TBC1D12: variants seen among roughly 807,000 people sequenced by gnomAD.
The protein encoded by TBC1D12 is TBC1 domain family, member 12.
Under a neutral mutation model 86.7 loss-of-function variants are expected in TBC1D12, and 56 were observed. That is an observed-to-expected ratio of 0.65 (90% CI 0.52 to 0.81). The LOEUF is 0.81. Ranked by LOEUF, TBC1D12 falls within the 30% of genes least tolerant of loss-of-function variation. TBC1D12 has a pLI of 0.00. For synonymous variants in TBC1D12, 421 were observed against 411.7 expected (o/e 1.02, Z -0.27); for missense variants, 1,023 against 1,038.8 (o/e 0.98, Z 0.21).
At chr10:94,437,911 C>T (rs1437712038) in intron 1 of TBC1D12, among the ~76,000 whole-genome samples, 2 of 145,836 alleles carry the variant, frequency 1.4e-5, no homozygotes, top group African/African-American at 5.1e-5. Flanking sequence ...TCATTTTGTT[C>T]ATACATTTTC....
intron 2 of TBC1D12, among the ~76,000 whole-genome samples, chr10:94,465,895 C>T (rs7393240): frequency 0.68 from 102,694 of 150,322 alleles, 35,630 homozygotes; most frequent in East Asian, 0.83. Flanking sequence ...TATATACATA[C>T]ATACGCATAT....
chr10:94,444,344 G>GA (rs1345916408), intron 2 of TBC1D12, among the ~76,000 whole-genome samples: 1 of 151,628 alleles, frequency 6.6e-6, no homozygotes, highest in Admixed American at 6.6e-5. Flanking sequence ...GAGTTACTGT[G>GA]AAAAAAATCA....
At chr10:94,529,446 C>G (rs1241034565) in intron 11 of TBC1D12, among the ~76,000 whole-genome samples, 2 of 152,112 alleles carry the variant, frequency 1.3e-5, no homozygotes, top group African/African-American at 4.8e-5. Flanking sequence ...TGGAGAAACG[C>G]CGTCTCTACT....
At chr10:94,526,842 C>G (rs1483739352) in intron 11 of TBC1D12, among the ~76,000 whole-genome samples, 1 of 152,148 alleles carries the variant, frequency 6.6e-6, no homozygotes, top group Non-Finnish European at 1.5e-5. Context: ...ACTTTACATT[C>G]ACAACAACAG....
At chr10:94,440,320 C>A (rs1255956624) in intron 1 of TBC1D12, among the ~76,000 whole-genome samples, 1 of 151,998 alleles carries the variant, frequency 6.6e-6, no homozygotes, top group Non-Finnish European at 1.5e-5. Flanking sequence ...AAGGTGTGCA[C>A]CACCATGCCT....
Position 94,478,650 on chromosome 10 carries a change from C to T in TBC1D12, c.1211+3867C>T, listed in dbSNP as rs149506647. Among the ~76,000 whole-genome samples the T allele has an allele frequency of 8.1e-3, 1,233 of 152,248 alleles. 12 individuals carry two copies. Among genetic ancestry groups the T allele is most frequent in the Non-Finnish European group, 9.8e-3 (666 of 68,014 alleles). Reference sequence around the variant, plus strand: ...TGAATGTAATTGCTTAATCATATACCAATAAATCAATGATGGTGCTCTAAA... The same window carrying T: ...TGAATGTAATTGCTTAATCATATACTAATAAATCAATGATGGTGCTCTAAA... On this transcript the variant is annotated intron_variant, in intron 3 of 12. Coordinates refer to ENST00000225235, the MANE Select transcript of TBC1D12 (RefSeq NM_015188.2).
chr10:94,403,655 T>TCGGAGC (rs3980307), intron 1 of TBC1D12, 71 bp downstream of exon 1: 579,217 of 1,343,298 alleles, frequency 0.43, 132,025 homozygotes, highest in East Asian at 0.68. Flanking sequence ...TTGGTGGGAG[T>TCGGAGC]CGGAGCCGGA....
chr10:94,509,121 T>G (rs1029784247), intron 7 of TBC1D12: 11 of 150,312 alleles, frequency 7.3e-5, no homozygotes, highest in Non-Finnish European at 1.2e-4. Context: ...TTTTTTTTTT[T>G]TTTTTGAGAT....
In TBC1D12 at chr10:94,531,452, T is replaced by A; in HGVS notation, c.2251T>A (p.Trp751Arg). Residue 751 changes from tryptophan (W) to arginine (R), a missense_variant, in exon 12 of 13, where the codon TGG (tryptophan) becomes AGG (arginine). Around this residue, in one of 2 missense-constraint regions of TBC1D12, gnomAD observed 395 missense variants for 507.7 expected, o/e 0.78. Coordinates refer to ENST00000225235, the MANE Select transcript of TBC1D12 (RefSeq NM_015188.2). ...AIQMQNSTKK[W>R]TQVFASVMKD... ...TCAGATGCAGAATAGCACCAAAAAA[T>A]GGACTCAGGTAGAGTGACATTTTCT... The A allele has an allele frequency of 6.2e-7, 1 of 1,612,312 alleles. No homozygotes were observed. Among genetic ancestry groups the A allele is most frequent in the Non-Finnish European group, 8.5e-7 (1 of 1,178,810 alleles).
chr10:94,413,946 A>G (rs2054962496), intron 1 of TBC1D12, among the ~76,000 whole-genome samples: 1 of 152,124 alleles, frequency 6.6e-6, no homozygotes, highest in South Asian at 2.1e-4. Flanking sequence ...CATTATTTAG[A>G]ATTTCCAAAT....
chr10:94,438,773 A>G (rs1464709447), intron 1 of TBC1D12, among the ~76,000 whole-genome samples: 1 of 151,644 alleles, frequency 6.6e-6, no homozygotes, highest in Non-Finnish European at 1.5e-5. Flanking sequence ...CTACTAAAGT[A>G]CTTGATTCCA....
Position 94,402,813 on chromosome 10 carries a change from G to C in TBC1D12, c.200G>C (p.Arg67Pro), listed in dbSNP as rs1223310645. Residue 67 changes from arginine to proline, a missense_variant, in exon 1 of 13, where the codon CGG (arginine) becomes CCG (proline). Arg to Pro is a moderately radical substitution (Grantham distance 103). Coordinates refer to ENST00000225235, the MANE Select transcript of TBC1D12 (RefSeq NM_015188.2). ...GACGAGGAGGAGGAGACGCCGCCTC[G>C]GCAGCTCCTTCAGCGTTACCTCGCG... ...EADEEEETPP[R>P]QLLQRYLAAA... is the part of the protein sequence containing the mutation. 2.6e-6 allele frequency: 4 copies of C among 1,541,198 alleles called. No individual in the cohort carries two copies. The highest frequency in any genetic ancestry group is 3.5e-6 in the Non-Finnish European group (4 of 1,143,000).
intron 1 of TBC1D12, among the ~76,000 whole-genome samples, chr10:94,441,518 ATT>A (rs1222886740): frequency 6.6e-6 from 1 of 151,902 alleles, no homozygotes; most frequent in Non-Finnish European, 1.5e-5. Context: ...TTTCCTTCCA[ATT>A]TGTTTATCTT....
intron 2 of TBC1D12, among the ~76,000 whole-genome samples, chr10:94,466,432 ATG>A (rs2055825895): frequency 6.6e-6 from 1 of 152,074 alleles, no homozygotes; most frequent in South Asian, 2.1e-4. Context: ...ATATGTATAT[ATG>A]TATATACATA....
intron 9 of TBC1D12, among the ~76,000 whole-genome samples, chr10:94,512,396 C>A (rs1384714851): frequency 6.6e-6 from 1 of 152,112 alleles, no homozygotes; most frequent in Admixed American, 6.6e-5. Context: ...ATCTTCTCAC[C>A]TTTGCCTTAA....
chr10:94,487,850 C>T lies in TBC1D12; in HGVS notation c.1212-5515C>T, dbSNP rs562501408. ...TAGCTGGGACTACAGGTGCATGCCA[C>T]CATACCCAGCTGGTTTTTTTTTTGT... is the stretch of plus-strand genomic sequence containing the variant. On this transcript the variant is annotated intron_variant, in intron 3 of 12. Transcript: ENST00000225235. 6.1e-5 allele frequency among the ~76,000 whole-genome samples: 9 copies of T among 147,792 alleles called. No homozygotes were observed. In the East Asian group the frequency reaches 1.9e-3, roughly 31 times the overall value.
chr10:94,485,748 C>T (rs1321569804), intron 3 of TBC1D12, among the ~76,000 whole-genome samples: 2 of 151,956 alleles, frequency 1.3e-5, no homozygotes, highest in Non-Finnish European at 2.9e-5. Flanking sequence ...TACTGGTAGA[C>T]TTTTAATTAC....
chr10:94,530,133 A>G (rs1008346399), intron 11 of TBC1D12, among the ~76,000 whole-genome samples: 1 of 152,194 alleles, frequency 6.6e-6, no homozygotes, highest in Non-Finnish European at 1.5e-5. Flanking sequence ...AAACCCCATC[A>G]GCACTACCTC....
intron 2 of TBC1D12, among the ~76,000 whole-genome samples, chr10:94,448,265 G>A (rs1421570694): frequency 6.6e-6 from 1 of 152,144 alleles, no homozygotes; most frequent in Non-Finnish European, 1.5e-5. Flanking sequence ...GTAGTTAAAT[G>A]TTAAATACAT....
Sources: allele counts gnomAD v4.1 joint callset (sites outside exome capture counted in the v4.1 genomes callset), GRCh38; gene constraint gnomAD v4.1.1; regional missense constraint gnomAD v4.1.1; transcripts MANE v1.5; gene names NCBI Gene and HGNC (gene_info 2026-07-23, HGNC 2026-07-21).